Variants in ADGRL3 observed in about 807,000 individuals in gnomAD.
ADGRL3 encodes adhesion G protein-coupled receptor L3, also known as calcium-independent alpha-latrotoxin receptor 3.
In ADGRL3, 62 loss-of-function variants were observed where a neutral mutation model predicts 153.5. The observed-to-expected ratio is 0.40, with a 90% CI of 0.33 to 0.50. The LOEUF is 0.50. ADGRL3 is among the 20% of genes least tolerant of loss of function. The probability of loss-of-function intolerance (pLI) is 0.47; values close to 1 mark genes in which losing one functional copy is unlikely to be tolerated. For synonymous variants in ADGRL3, 710 were observed against 672.5 expected, an observed-to-expected ratio of 1.06 and a Z score of -0.86; for missense variants, 1,641 against 1,859.4, an observed-to-expected ratio of 0.88 and a Z score of 2.16.
intron 17 of ADGRL3, among the ~76,000 whole-genome samples, chr4:61,969,953 T>A (rs1704849696): frequency 6.6e-6 from 1 of 152,138 alleles, no homozygotes; most frequent in Non-Finnish European, 1.5e-5. Context: ...ATCTGAGGCT[T>A]TTTATGTCTT....
At chr4:61,976,418 T>G (rs1560456081) in intron 17 of ADGRL3, among the ~76,000 whole-genome samples, 1 of 152,188 alleles carries the variant, frequency 6.6e-6, no homozygotes, top group African/African-American at 2.4e-5. Flanking sequence ...ACATTCAATG[T>G]CCACTTGATA....
At chr4:62,034,467 T>A (rs183052897) in intron 23 of ADGRL3, among the ~76,000 whole-genome samples, 21 of 151,952 alleles carry the variant, frequency 1.4e-4, no homozygotes, top group Admixed American at 1.3e-3. Flanking sequence ...ACATTTGTAT[T>A]TGGTGTCAAG....
At chr4:61,543,996 T>A (rs28684820) in intron 4 of ADGRL3, among the ~76,000 whole-genome samples, 49,501 of 152,138 alleles carry the variant, frequency 0.33, 8,702 homozygotes, top group Admixed American at 0.39. Context: ...AGTCTACTTA[T>A]GTGATGGAAC....
chr4:61,898,830 G>A (rs28823961), intron 11 of ADGRL3, among the ~76,000 whole-genome samples: 1 of 151,830 alleles, frequency 6.6e-6, no homozygotes, highest in Non-Finnish European at 1.5e-5. Context: ...TTGCCCAGGC[G>A]GGTCTCAAAC....
intron 8 of ADGRL3, among the ~76,000 whole-genome samples, chr4:61,798,311 A>G (rs941400526): frequency 4.6e-5 from 7 of 152,174 alleles, no homozygotes; most frequent in Non-Finnish European, 7.3e-5. Flanking sequence ...ATTGCTTATG[A>G]TAAAATTGAG....
At chr4:61,391,686 T>C (rs530271085) in intron 2 of ADGRL3, among the ~76,000 whole-genome samples, 1 of 152,116 alleles carries the variant, frequency 6.6e-6, no homozygotes, top group South Asian at 2.1e-4. Flanking sequence ...AGTTTCTATT[T>C]ATTTCTATTT....
At position 61,912,030 on chromosome 4, in the gene ADGRL3, A is replaced by T. The variant is rs957331280; in HGVS notation, c.2074-689A>T. ...CATCACTCTCTATGCAAACAAACAAACAGAAATATACTTCTTAACCCACCA... is the reference window on the plus strand; with the variant it reads ...CATCACTCTCTATGCAAACAAACAATCAGAAATATACTTCTTAACCCACCA... On this transcript the variant is annotated intron_variant, in intron 12 of 26. Transcript: ENST00000683033. Among the ~76,000 whole-genome samples the T allele has an allele frequency of 1.5e-4, 23 of 152,320 alleles. 2 individuals carry two copies. The East Asian group carries it at 1.5e-3, about 10-fold the overall frequency.
intron 21 of ADGRL3, among the ~76,000 whole-genome samples, chr4:62,001,297 A>C (rs1057098313): frequency 1.4e-4 from 21 of 152,194 alleles, no homozygotes; most frequent in African/African-American, 5.1e-4. Context: ...GAAGCCACAC[A>C]GGAGGATCCG....
chr4:61,267,826 G>A (rs1358801185), intron 1 of ADGRL3, among the ~76,000 whole-genome samples: 1 of 48,230 alleles, frequency 2.1e-5, no homozygotes, highest in Non-Finnish European at 4.1e-5. Context: ...AGTTTTAGTT[G>A]ACTTCACTTT....
At chr4:61,781,875 A>C (rs555224304) in intron 8 of ADGRL3, among the ~76,000 whole-genome samples, 1 of 152,306 alleles carries the variant, frequency 6.6e-6, no homozygotes, top group East Asian at 1.9e-4. Context: ...CTCTGAGATA[A>C]TTCAGAGGGC....
intron 6 of ADGRL3, among the ~76,000 whole-genome samples, chr4:61,711,461 TATATATATATATATATATATA>T (rs2095984045): frequency 7.1e-5 from 5 of 70,116 alleles, no homozygotes; most frequent in African/African-American, 2.3e-4. Context: ...TGCTTCATTA[TATATATATATATATATATATA>T]TATATATATA....
chr4:61,201,558 T>C lies in ADGRL3; in HGVS notation c.-447T>C, dbSNP rs1734677570. ...GAAGAAAGGGAAGAGAGACTTTTTG[T>C]TGTTGTTTCCTTGACTGGGGTCTCC... is the stretch of plus-strand genomic sequence containing the variant. On this transcript the variant is annotated 5_prime_UTR_variant, in exon 1 of 27. Transcript: ENST00000683033. 6.6e-6 allele frequency: 1 copy of C among 152,198 alleles called. No homozygotes were observed. Among genetic ancestry groups the C allele is most frequent in the Non-Finnish European group, 1.5e-5 (1 of 68,076 alleles). The allele number at this position is 152,198 out of a possible 1,614,324, so 9.4% of individuals were successfully genotyped here. A position where few individuals can be genotyped will look rare whatever the true frequency, so the allele number is the denominator to read the frequency against.
At chr4:61,591,663 A>G (rs1560897789) in intron 5 of ADGRL3, among the ~76,000 whole-genome samples, 4 of 152,086 alleles carry the variant, frequency 2.6e-5, no homozygotes, top group Admixed American at 2.0e-4. Context: ...TCTATCAAGT[A>G]TAGGTGTTAA....
At chr4:61,965,654 G>A (rs1409135496) in intron 17 of ADGRL3, among the ~76,000 whole-genome samples, 1 of 152,058 alleles carries the variant, frequency 6.6e-6, no homozygotes, top group Admixed American at 6.5e-5. Context: ...GGGAGGCTGA[G>A]TCAGGAGAAT....
chr4:61,500,230 G>A (rs1454751667), intron 3 of ADGRL3, among the ~76,000 whole-genome samples: 1 of 151,950 alleles, frequency 6.6e-6, no homozygotes, highest in African/African-American at 2.4e-5. Flanking sequence ...AACCATAGAG[G>A]ACAAAACAAT....
chr4:61,538,401 T>C (rs1388894933), intron 4 of ADGRL3, among the ~76,000 whole-genome samples: 1 of 152,168 alleles, frequency 6.6e-6, no homozygotes, highest in Non-Finnish European at 1.5e-5. Flanking sequence ...ACACTAGGAC[T>C]ATGCCCTTCT....
At chr4:62,043,251 T>C (rs1236164047) in intron 24 of ADGRL3, among the ~76,000 whole-genome samples, 1 of 152,116 alleles carries the variant, frequency 6.6e-6, no homozygotes, top group Non-Finnish European at 1.5e-5. Context: ...TCAAGACATT[T>C]TGTGCTTACA....
chr4:61,889,733 A>G (rs973130053), intron 9 of ADGRL3, among the ~76,000 whole-genome samples: 1 of 152,218 alleles, frequency 6.6e-6, no homozygotes, highest in Non-Finnish European at 1.5e-5. Flanking sequence ...GCTAAAATAC[A>G]TATATCACAC....
intron 8 of ADGRL3, among the ~76,000 whole-genome samples, chr4:61,790,122 G>A (rs915798630): frequency 6.6e-6 from 1 of 151,872 alleles, no homozygotes; most frequent in East Asian, 1.9e-4. Flanking sequence ...ACTTTTCCTT[G>A]GTCACTACAG....
Sources: allele counts gnomAD v4.1 joint callset (sites outside exome capture counted in the v4.1 genomes callset), GRCh38; gene constraint gnomAD v4.1.1; transcripts MANE v1.5; gene names NCBI Gene and HGNC (gene_info 2026-07-23, HGNC 2026-07-21).